The following SEMA6D variants were observed in gnomAD, a reference collection of about 807,000 sequenced individuals.
The protein encoded by SEMA6D is semaphorin-6D.
In SEMA6D, 35 loss-of-function variants were observed where a neutral mutation model predicts 106.6. The observed-to-expected ratio is 0.33, with a 90% confidence interval of 0.25 to 0.44. SEMA6D has a LOEUF of 0.44. SEMA6D is among the 20% of genes least tolerant of loss of function. The probability of loss-of-function intolerance (pLI) is 1.00; values close to 1 mark genes in which losing one functional copy is unlikely to be tolerated. For missense variants in SEMA6D, 1,185 were observed against 1,345.9 expected (o/e 0.88, Z 1.87); for synonymous variants, 499 against 487.7 (o/e 1.02, Z -0.31).
At chr15:47,540,558 T>C (rs952283910) in intron 3 of SEMA6D, among the ~76,000 whole-genome samples, 1 of 152,176 alleles carries the variant, frequency 6.6e-6, no homozygotes, top group Non-Finnish European at 1.5e-5. Context: ...TCTTAGCCAG[T>C]ATGCACCAGA....
At chr15:47,701,443 T>G (rs2078809764) in intron 4 of SEMA6D, among the ~76,000 whole-genome samples, 1 of 152,156 alleles carries the variant, frequency 6.6e-6, no homozygotes, top group South Asian at 2.1e-4. Flanking sequence ...ATATTTATTG[T>G]ACAACATGGT....
chr15:47,523,012 A>G (rs1445257706), intron 3 of SEMA6D, among the ~76,000 whole-genome samples: 1 of 152,186 alleles, frequency 6.6e-6, no homozygotes, highest in African/African-American at 2.4e-5. Flanking sequence ...CAGCTTTTCA[A>G]TAGAAATACA....
chr15:47,617,372 T>G (rs966038590), intron 4 of SEMA6D, among the ~76,000 whole-genome samples: 11 of 152,132 alleles, frequency 7.2e-5, no homozygotes, highest in African/African-American at 2.7e-4. Flanking sequence ...GGGACAAAGT[T>G]TTACTATGTC....
chr15:47,470,310 G>T (rs1424452850), intron 2 of SEMA6D, among the ~76,000 whole-genome samples: 2 of 152,076 alleles, frequency 1.3e-5, no homozygotes, highest in South Asian at 2.1e-4. Context: ...TTTGCATGGA[G>T]AAATCTTTTT....
rs34541759 is a variant in SEMA6D at position 47,417,413 on chromosome 15, A to ATGTG, written c.-159+4967_-159+4970dup. Among the ~76,000 whole-genome samples, 1,257 of 146,644 alleles carry ATGTG rather than the reference A, an allele frequency of 8.6e-3. 5 individuals are homozygous for ATGTG. The highest frequency in any genetic ancestry group is 0.02 in the South Asian group (94 of 4,620). On this transcript the variant is annotated intron_variant, in intron 2 of 19. Coordinates refer to the SEMA6D transcript ENST00000558014. ...ATCTGCTTATACTGTGTGTGTGTAT[A>ATGTG]TGTGTGTGTGTGTGTGTGTGTGTGT...
At chr15:47,579,288 C>T (rs1399627142) in intron 3 of SEMA6D, among the ~76,000 whole-genome samples, 2 of 151,976 alleles carry the variant, frequency 1.3e-5, no homozygotes, top group Non-Finnish European at 2.9e-5. Flanking sequence ...ATTACAGGCA[C>T]CTACCACCAC....
At chr15:47,260,098 T>C (rs1306092000) in intron 1 of SEMA6D, among the ~76,000 whole-genome samples, 1 of 152,082 alleles carries the variant, frequency 6.6e-6, no homozygotes, top group Non-Finnish European at 1.5e-5. Context: ...TTCTACTTTA[T>C]ATTTGTTTCA....
Position 47,381,775 on chromosome 15 carries a change from T to C in SEMA6D, c.-238-30618T>C, listed in dbSNP as rs1445957608. Among the ~76,000 whole-genome samples, 5 of 152,338 alleles carry C rather than the reference T, an allele frequency of 3.3e-5. No individual in the cohort carries two copies. In the East Asian group the frequency reaches 9.6e-4, roughly 29 times the overall value. ...TATAGGAAATATGAGTTTTAAACTG[T>C]AACATTTTATATTGAACTTGTAGCC... On this transcript the variant is annotated intron_variant, in intron 1 of 19. Transcript: ENST00000558014.
chr15:47,312,897 G>T (rs756539554), intron 1 of SEMA6D, among the ~76,000 whole-genome samples: 7 of 152,034 alleles, frequency 4.6e-5, no homozygotes, highest in Non-Finnish European at 8.8e-5. Flanking sequence ...CAAGTACTCA[G>T]TTGCCACATG....
intron 1 of SEMA6D, among the ~76,000 whole-genome samples, chr15:47,404,318 A>G (rs945846195): frequency 1.3e-5 from 2 of 152,184 alleles, no homozygotes; most frequent in Non-Finnish European, 2.9e-5. Context: ...ACCTAAAATG[A>G]GCCATCATCG....
intron 3 of SEMA6D, among the ~76,000 whole-genome samples, chr15:47,592,570 T>C (rs1477600024): frequency 6.6e-6 from 1 of 152,200 alleles, no homozygotes; most frequent in Non-Finnish European, 1.5e-5. Flanking sequence ...TGATTAGTCA[T>C]TTAACTGTAT....
chr15:47,766,227 AG>A (rs758282225), intron 15 of SEMA6D, 45 bp downstream of exon 15: 25 of 1,523,866 alleles, frequency 1.6e-5, no homozygotes, highest in Non-Finnish European at 2.0e-5. Context: ...TATCCTCTCC[AG>A]GGTCTCTAAA....
chr15:47,633,076 A>G (rs2077320454), intron 4 of SEMA6D, among the ~76,000 whole-genome samples: 1 of 152,102 alleles, frequency 6.6e-6, no homozygotes, highest in Non-Finnish European at 1.5e-5. Flanking sequence ...TAATTACCTT[A>G]AGTATATTCT....
chr15:47,742,016 C>T (rs2080851145), intron 1 of SEMA6D, among the ~76,000 whole-genome samples: 1 of 152,228 alleles, frequency 6.6e-6, no homozygotes, highest in South Asian at 2.1e-4. Flanking sequence ...TAGGAATTTG[C>T]CAGTCAGAGG....
At chr15:47,734,225 A>C (rs1485183460) in intron 1 of SEMA6D, among the ~76,000 whole-genome samples, 1 of 152,186 alleles carries the variant, frequency 6.6e-6, no homozygotes, top group Non-Finnish European at 1.5e-5. Flanking sequence ...TTACTCACTC[A>C]CTTATTCATT....
At chr15:47,425,912 A>C (rs185015887) in intron 2 of SEMA6D, among the ~76,000 whole-genome samples, 1 of 152,178 alleles carries the variant, frequency 6.6e-6, no homozygotes, top group Admixed American at 6.5e-5. Flanking sequence ...CAGCCTAATA[A>C]ACACCTGTTC....
chr15:47,727,376 C>G (rs1417831964), intron 1 of SEMA6D, among the ~76,000 whole-genome samples: 1 of 152,188 alleles, frequency 6.6e-6, no homozygotes, highest in Non-Finnish European at 1.5e-5. Context: ...GTAACTTGTG[C>G]CCATTGTCCC....
intron 4 of SEMA6D, among the ~76,000 whole-genome samples, chr15:47,648,479 A>AGAATGAAT (rs112820950): frequency 0.3 from 45,335 of 150,960 alleles, 6,987 homozygotes; most frequent in East Asian, 0.47. Context: ...ACTGGGTTGG[A>AGAATGAAT]GAATGAATGA....
At chr15:47,286,000 A>G (rs953468066) in intron 1 of SEMA6D, among the ~76,000 whole-genome samples, 1 of 152,232 alleles carries the variant, frequency 6.6e-6, no homozygotes, top group Non-Finnish European at 1.5e-5. Context: ...AGAACAACCA[A>G]GCTAGGCTTA....
Sources: gnomAD v4.1 joint callset for allele counts (sites outside exome capture counted in the v4.1 genomes callset) on GRCh38, gnomAD v4.1.1 for gene constraint, MANE v1.5 for transcripts, NCBI Gene and HGNC (gene_info 2026-07-23, HGNC 2026-07-21) for gene names.